The following PLXDC2 variants were observed in gnomAD, a reference collection of about 807,000 sequenced individuals.
PLXDC2 encodes the protein plexin domain-containing protein 2.
Under a neutral mutation model 68.9 loss-of-function variants are expected in PLXDC2, and 40 were observed. The observed-to-expected ratio is 0.58, with a 90% confidence interval of 0.45 to 0.76. The LOEUF (loss-of-function observed/expected upper bound fraction) is 0.76. Among genes scored for constraint, PLXDC2 ranks in the 30% least tolerant of loss-of-function variants. PLXDC2 has a pLI of 0.00. For missense variants in PLXDC2, 644 were observed against 661.9 expected (o/e 0.97, Z 0.30); for synonymous variants, 243 against 234.2 (o/e 1.04, Z -0.34).
chr10:19,848,133 T>TA (rs1837044350), intron 1 of PLXDC2, among the ~76,000 whole-genome samples: 1 of 152,074 alleles, frequency 6.6e-6, no homozygotes, highest in African/African-American at 2.4e-5. Flanking sequence ...CCCATCTCTA[T>TA]AAAATTTCTT....
chr10:20,063,907 T>G (rs532619045), intron 3 of PLXDC2, among the ~76,000 whole-genome samples: 4 of 152,354 alleles, frequency 2.6e-5, no homozygotes, highest in African/African-American at 9.6e-5. Context: ...GAAGACGTAA[T>G]ACTTTTTTTG....
intron 13 of PLXDC2, among the ~76,000 whole-genome samples, chr10:20,268,362 T>C (rs752413387): frequency 2.4e-4 from 36 of 152,212 alleles, no homozygotes; most frequent in Non-Finnish European, 4.3e-4. Context: ...TATCTGCCTT[T>C]TAAAGTTTCT....
At chr10:20,269,040 G>A (rs1027737297) in intron 13 of PLXDC2, among the ~76,000 whole-genome samples, 2 of 152,098 alleles carry the variant, frequency 1.3e-5, no homozygotes, top group African/African-American at 2.4e-5. Flanking sequence ...ATTCTTAGCT[G>A]GTATCACAGA....
At chr10:20,275,593 A>T (rs1008411759) in intron 13 of PLXDC2, among the ~76,000 whole-genome samples, 1 of 152,176 alleles carries the variant, frequency 6.6e-6, no homozygotes, top group Non-Finnish European at 1.5e-5. Flanking sequence ...TTAGAAAACA[A>T]AAAGAGTCCA....
intron 9 of PLXDC2, among the ~76,000 whole-genome samples, chr10:20,203,785 C>G (rs61854642): frequency 6.6e-6 from 1 of 152,144 alleles, no homozygotes. Context: ...GCCACGTGTA[C>G]GGATGACTAC....
At chr10:19,932,634 G>A (rs976926321) in intron 1 of PLXDC2, among the ~76,000 whole-genome samples, 1 of 152,196 alleles carries the variant, frequency 6.6e-6, no homozygotes, top group African/African-American at 2.4e-5. Context: ...GAGAGCAAAA[G>A]ATAGCTCTCC....
chr10:20,255,311 G>A (rs1372982993), intron 13 of PLXDC2, among the ~76,000 whole-genome samples: 2 of 152,034 alleles, frequency 1.3e-5, no homozygotes, highest in Non-Finnish European at 2.9e-5. Context: ...CAATTCACTT[G>A]GGCATTTGTA....
intron 1 of PLXDC2, among the ~76,000 whole-genome samples, chr10:19,844,191 C>T (rs1156694739): frequency 1.3e-5 from 2 of 152,140 alleles, no homozygotes; most frequent in East Asian, 1.9e-4. Context: ...CGTTTTTTGA[C>T]GTGACTGTGA....
At chr10:19,901,872 C>T (rs1291524891) in intron 1 of PLXDC2, among the ~76,000 whole-genome samples, 1 of 152,090 alleles carries the variant, frequency 6.6e-6, no homozygotes, top group East Asian at 1.9e-4. Context: ...GATGAGGATC[C>T]AGTTTCATTC....
intron 2 of PLXDC2, among the ~76,000 whole-genome samples, chr10:20,031,945 G>C (rs1284718914): frequency 6.6e-6 from 1 of 152,006 alleles, no homozygotes; most frequent in African/African-American, 2.4e-5. Context: ...TCAGCCTCCC[G>C]AGTAGCTGGG....
At chr10:19,975,755 A>G (rs1006249218) in intron 1 of PLXDC2, among the ~76,000 whole-genome samples, 1 of 152,118 alleles carries the variant, frequency 6.6e-6, no homozygotes, top group Non-Finnish European at 1.5e-5. Context: ...TTCCTGGAAA[A>G]GAATATTTTG....
At chr10:20,230,910 A>C (rs1835356683) in intron 12 of PLXDC2, among the ~76,000 whole-genome samples, 2 of 151,390 alleles carry the variant, frequency 1.3e-5, no homozygotes, top group Non-Finnish European at 2.9e-5. Flanking sequence ...AGTCATAAAA[A>C]ATATTAAATT....
intron 13 of PLXDC2, among the ~76,000 whole-genome samples, chr10:20,271,579 T>C (rs1450534590): frequency 6.6e-6 from 1 of 152,144 alleles, no homozygotes; most frequent in African/African-American, 2.4e-5. Context: ...TGGTTCTGTT[T>C]AGGATCTGGA....
At chr10:20,085,038 G>A (rs1833172025) in intron 4 of PLXDC2, among the ~76,000 whole-genome samples, 1 of 151,578 alleles carries the variant, frequency 6.6e-6, no homozygotes, top group East Asian at 1.9e-4. Context: ...CACAACCCTC[G>A]GGTCAAGGAC....
At chr10:20,068,371 A>G (rs1564303167) in intron 4 of PLXDC2, 132 bp downstream of exon 4, 1 of 811,960 alleles carries the variant, frequency 1.2e-6, no homozygotes, top group Admixed American at 3.3e-5. Context: ...AGTCATAGGT[A>G]TAAATAAAAC....
At chr10:19,962,960 A>T (rs1377372478) in intron 1 of PLXDC2, among the ~76,000 whole-genome samples, 1 of 144,258 alleles carries the variant, frequency 6.9e-6, no homozygotes, top group Non-Finnish European at 1.5e-5. Flanking sequence ...ACTGTACTCC[A>T]GCCTGGGCGA....
At chr10:19,828,501 ATTTTT>A (rs950361327) in intron 1 of PLXDC2, among the ~76,000 whole-genome samples, 2 of 152,192 alleles carry the variant, frequency 1.3e-5, no homozygotes, top group Admixed American at 6.5e-5. Flanking sequence ...TGATCTGAGT[ATTTTT>A]TAATCAGGAG....
chr10:19,995,020 G>T (rs1340163579), intron 1 of PLXDC2, among the ~76,000 whole-genome samples: 2 of 152,172 alleles, frequency 1.3e-5, no homozygotes, highest in African/African-American at 4.8e-5. Flanking sequence ...TGGGATTACA[G>T]GCGTGAGCCA....
intron 3 of PLXDC2, among the ~76,000 whole-genome samples, chr10:20,063,119 T>A (rs1434590873): frequency 1.3e-5 from 2 of 152,148 alleles, no homozygotes; most frequent in South Asian, 4.1e-4. Context: ...TGATTAAAAA[T>A]AGAATATTAA....
Sources: allele counts gnomAD v4.1 joint callset (sites outside exome capture counted in the v4.1 genomes callset), GRCh38; gene constraint gnomAD v4.1.1; transcripts MANE v1.5; gene names NCBI Gene and HGNC (gene_info 2026-07-23, HGNC 2026-07-21).